Variants in LARP1 observed in about 807,000 individuals in gnomAD.
LARP1 encodes la-related protein 1.
Under a neutral mutation model 122.7 loss-of-function variants are expected in LARP1, and 36 were observed. That is an observed-to-expected ratio of 0.29 (90% CI 0.22 to 0.39). LARP1 has a LOEUF of 0.39. Ranked by LOEUF, LARP1 falls within the 10% of genes least tolerant of loss-of-function variation. The pLI, the probability that LARP1 is intolerant of heterozygous loss-of-function variation, is 1.00. For missense variants in LARP1, 1,040 were observed against 1,403.6 expected (o/e 0.74, Z 4.14); for synonymous variants, 539 against 528.7 (o/e 1.02, Z -0.27).
At chr5:154,683,003 G>A (rs563729930) in exon 1 of LARP1, among the ~76,000 whole-genome samples, 1 of 152,336 alleles carries the variant, frequency 6.6e-6, no homozygotes, top group South Asian at 2.1e-4. Flanking sequence ...CGCTGCTGCG[G>A]CGCTGCCGGC....
chr5:154,748,759 A>T (rs1753333614), intron 1 of LARP1, among the ~76,000 whole-genome samples: 1 of 152,204 alleles, frequency 6.6e-6, no homozygotes, highest in Admixed American at 6.5e-5. Flanking sequence ...CAATTTACAG[A>T]TGGGGAAACT....
intron 1 of LARP1, among the ~76,000 whole-genome samples, chr5:154,744,182 A>G (rs1478864561): frequency 6.6e-6 from 1 of 152,134 alleles, no homozygotes; most frequent in African/African-American, 2.4e-5. Flanking sequence ...ACCAAATGCT[A>G]AAACAATCTG....
At chr5:154,812,805 C>T (rs1389161289) in intron 18 of LARP1, among the ~76,000 whole-genome samples, 1 of 152,066 alleles carries the variant, frequency 6.6e-6, no homozygotes, top group Non-Finnish European at 1.5e-5. Context: ...GCATGAGCCA[C>T]CGCGCCCGGC....
chr5:154,773,239 A>C (rs1755588414), intron 1 of LARP1, among the ~76,000 whole-genome samples: 1 of 152,126 alleles, frequency 6.6e-6, no homozygotes, highest in African/African-American at 2.4e-5. Flanking sequence ...CATGGGTTAC[A>C]AACTATGGCT....
chr5:154,756,254 C>A, intron 1 of LARP1, 61 bp downstream of exon 1: 1 of 1,137,714 alleles, frequency 8.8e-7, no homozygotes. Flanking sequence ...TGGGAGTCCC[C>A]TCCCCCAGCA....
At chr5:154,709,432 A>G (rs990521607), upstream of LARP1, among the ~76,000 whole-genome samples, 4 of 152,180 alleles carry the variant, frequency 2.6e-5, no homozygotes, top group South Asian at 2.1e-4. Flanking sequence ...CACATATTAT[A>G]CAAAGCAGGC....
At chr5:154,756,249 G>A (rs1430237696) in intron 1 of LARP1, 56 bp downstream of exon 1, 3 of 1,153,356 alleles carry the variant, frequency 2.6e-6, no homozygotes, top group South Asian at 3.2e-5. Flanking sequence ...GGACATGGGA[G>A]TCCCCTCCCC....
chr5:154,768,706 T>G (rs1387216559), intron 1 of LARP1, among the ~76,000 whole-genome samples: 1 of 152,032 alleles, frequency 6.6e-6, no homozygotes, highest in Non-Finnish European at 1.5e-5. Context: ...CTCAGCCTCC[T>G]GAGTAGCTGG....
Position 154,800,016 on chromosome 5 carries a change from C to G in LARP1, c.1690C>G (p.Pro564Ala). ...GAACTGGATTGAAGTGAAGAAGAGG[C>G]CTCGGCCATCCCCAGCACGGCCCAA... is the stretch of plus-strand genomic sequence containing the variant. Reference protein sequence around the residue: ...SENWIEVKKRPRPSPARPKKS... With the variant: ...SENWIEVKKRARPSPARPKKS... Residue 564 changes from proline (P) to alanine (A), a missense_variant, in exon 10 of 19, where the codon CCT becomes GCT. Around this residue, in one of 8 missense-constraint regions of LARP1, gnomAD observed 362 missense variants for 533.1 expected, o/e 0.68. Transcript: ENST00000518297. 1 of 1,613,896 alleles carries G rather than the reference C, an allele frequency of 6.2e-7. No homozygotes were observed. Among genetic ancestry groups the G allele is most frequent in the South Asian group, 1.1e-5 (1 of 91,064 alleles).
At chr5:154,798,640 C>T (rs1251441067) in intron 8 of LARP1, among the ~76,000 whole-genome samples, 1 of 152,072 alleles carries the variant, frequency 6.6e-6, no homozygotes, top group African/African-American at 2.4e-5. Context: ...TAGCTGGGAC[C>T]ACAGATGTAT....
At chr5:154,810,042 G>A (rs1361188691) in intron 16 of LARP1, among the ~76,000 whole-genome samples, 2 of 151,986 alleles carry the variant, frequency 1.3e-5, no homozygotes, top group African/African-American at 4.8e-5. Context: ...TTACTCCATT[G>A]TATAGATTTG....
chr5:154,740,759 G>T (rs776376979), intron 1 of LARP1, among the ~76,000 whole-genome samples: 1 of 152,208 alleles, frequency 6.6e-6, no homozygotes, highest in Non-Finnish European at 1.5e-5. Context: ...GGCACTGAGG[G>T]CCCCTATTCT....
intron 1 of LARP1, among the ~76,000 whole-genome samples, chr5:154,704,088 T>G (rs1754840089): frequency 6.6e-6 from 1 of 152,070 alleles, no homozygotes; most frequent in Non-Finnish European, 1.5e-5. Context: ...ATTAAGCAAA[T>G]GGTTGCATGT....
intron 1 of LARP1, among the ~76,000 whole-genome samples, chr5:154,730,398 T>C (rs984369558): frequency 6.6e-6 from 1 of 152,084 alleles, no homozygotes; most frequent in African/African-American, 2.4e-5. Flanking sequence ...TAACTTTTTT[T>C]GACCTATAGC....
intron 1 of LARP1, among the ~76,000 whole-genome samples, chr5:154,698,259 G>T (rs1002661370): frequency 6.6e-6 from 1 of 152,114 alleles, no homozygotes; most frequent in Non-Finnish European, 1.5e-5. Context: ...TCATTTCTTT[G>T]TGTTGGGACA....
Position 154,794,090 on chromosome 5 carries a change from T to G in LARP1, c.1070-10T>G, listed in dbSNP as rs1454780947. 6.8e-6 allele frequency: 11 copies of G among 1,614,006 alleles called. No individual in the cohort carries two copies. Among genetic ancestry groups the G allele is most frequent in the Non-Finnish European group, 9.3e-6 (11 of 1,179,952 alleles). The stretch of plus-strand genomic sequence containing the variant: ...TCTCCTCTCCCTCATGGCACCCGTT[T>G]CCCCCATAGCCCATTTTGACTACCA... On this transcript the variant is annotated splice_polypyrimidine_tract_variant and intron_variant, in intron 6 of 18. Coordinates refer to ENST00000518297, the MANE Select transcript of LARP1 (RefSeq NM_033551.3).
Position 154,793,969 on chromosome 5 carries a change from C to T in LARP1, c.1038C>T (p.Arg346=), listed in dbSNP as rs767497989. Residue 346 remains arginine (R), a synonymous_variant, in exon 6 of 19, where the codon CGC becomes CGT. Coordinates refer to ENST00000518297, the MANE Select transcript of LARP1 (RefSeq NM_033551.3). ...SFRGRGRGRG[R]GRGRGRGGTR... ...GTGGCCGTGGACGGGGGCGTGGTCG[C>T]GGCCGGGGACGCGGCCGGGGTGGCA... 33 of 1,611,180 alleles carry T rather than the reference C, an allele frequency of 2.0e-5. No individual in the cohort carries two copies. Among genetic ancestry groups the T allele is most frequent in the South Asian group, 3.3e-5 (3 of 90,920 alleles).
rs1314046807 is a variant in LARP1 at position 154,816,956 on chromosome 5, T to G, written c.*2860T>G. 2 of 151,892 alleles carry G rather than the reference T, an allele frequency of 1.3e-5. No individual in the cohort carries two copies. Among genetic ancestry groups the G allele is most frequent in the Admixed American group, 1.3e-4 (2 of 15,254 alleles). 9.4% of individuals were successfully genotyped at this position (151,892 alleles called of 1,614,324 possible). A position where few individuals can be genotyped will look rare whatever the true frequency, so the allele number is the denominator to read the frequency against. On this transcript the variant is annotated 3_prime_UTR_variant, in exon 19 of 19. Transcript: ENST00000518297. ...CCAGCCTGGACCCCTGGGGCTCAGATAGAGGTGCTGAGCCCCTGTGTCAAA... is the reference window on the plus strand; with the variant it reads ...CCAGCCTGGACCCCTGGGGCTCAGAGAGAGGTGCTGAGCCCCTGTGTCAAA...
Position 154,755,378 on chromosome 5 carries a change from T to C in LARP1, c.-380T>C, listed in dbSNP as rs1197996016. ...GCTCGCCGCGCCTCTCCCCCGTCCG[T>C]CCATATTGCTGCAGCCCCCGAGCCG... On this transcript the variant is annotated 5_prime_UTR_variant, in exon 1 of 19. Transcript: ENST00000518297. Among the ~76,000 whole-genome samples, 2 of 149,732 alleles carry C rather than the reference T, an allele frequency of 1.3e-5. No individual in the cohort carries two copies. The highest frequency in any genetic ancestry group is 4.9e-5 in the African/African-American group (2 of 40,798).
Sources: allele counts gnomAD v4.1 joint callset (sites outside exome capture counted in the v4.1 genomes callset), GRCh38; gene constraint gnomAD v4.1.1; regional missense constraint gnomAD v4.1.1; transcripts MANE v1.5; gene names NCBI Gene and HGNC (gene_info 2026-07-23, HGNC 2026-07-21).